Variants in CERKL observed in about 807,000 individuals in gnomAD.
CERKL encodes CERK like autophagy regulator.
In CERKL, 61 loss-of-function variants were observed where a neutral mutation model predicts 63.4. That is an observed-to-expected ratio of 0.96 (90% CI 0.78 to 1.19). CERKL has a LOEUF of 1.19. CERKL is among the 50% of genes most tolerant of loss of function. The pLI, the probability that CERKL is intolerant of heterozygous loss-of-function variation, is 0.00. For missense variants in CERKL, 675 were observed against 655.5 expected (o/e 1.03, Z -0.33); for synonymous variants, 250 against 230.5 (o/e 1.08, Z -0.77).
chr2:181,548,311 G>A, intron 8 of CERKL: 1 of 558,512 alleles, frequency 1.8e-6, no homozygotes, highest in South Asian at 2.3e-5. Context: ...AAAGAGAACG[G>A]AAGGAGGGAG....
At chr2:181,617,043 G>A (rs1235971252) in intron 1 of CERKL, among the ~76,000 whole-genome samples, 1 of 152,150 alleles carries the variant, frequency 6.6e-6, no homozygotes, top group African/African-American at 2.4e-5. Flanking sequence ...GAAATAGTGG[G>A]TAAAACTCCT....
At chr2:181,609,192 G>C (rs541106866) in intron 1 of CERKL, among the ~76,000 whole-genome samples, 20 of 151,656 alleles carry the variant, frequency 1.3e-4, no homozygotes, top group Non-Finnish European at 2.5e-4. Flanking sequence ...TGCCACGCTG[G>C]TGTGCTGCAC....
chr2:181,541,211 T>A (rs530948763), intron 11 of CERKL, among the ~76,000 whole-genome samples: 2 of 152,200 alleles, frequency 1.3e-5, no homozygotes, highest in South Asian at 2.1e-4. Flanking sequence ...AATTTGGACA[T>A]AGGAAAAGGC....
Position 181,621,390 on chromosome 2 carries a change from C to T in CERKL, c.239-17311G>A, listed in dbSNP as rs566993405. On this transcript the variant is annotated intron_variant, in intron 1 of 12. Coordinates refer to ENST00000410087, the MANE Select transcript of CERKL (RefSeq NM_201548.5). ...GCTCCTAGTCACATGAAATATGATA[C>T]CCTACAACGTATTTGAAGTAAAACA... Among the ~76,000 whole-genome samples, 14 of 152,208 alleles carry T rather than the reference C, an allele frequency of 9.2e-5. No homozygotes were observed. The East Asian group carries it at 2.7e-3, about 29-fold the overall frequency.
rs1296872226 is a variant in CERKL at position 181,558,681 on chromosome 2, A to G, written c.705T>C (p.Ser235=). 6.2e-7 allele frequency: 1 copy of G among 1,613,740 alleles called. No homozygotes were observed. Among genetic ancestry groups the G allele is most frequent in the Non-Finnish European group, 8.5e-7 (1 of 1,179,794 alleles). ...GCAAAGCATGGGCTACTTCGCTAGC[A>G]GATCCATCTCCACCAACACAGACAA... is the stretch of plus-strand genomic sequence containing the variant. ...DGVVCVGGDG[S]ASEVAHALLL... Residue 235 remains serine (S), a synonymous_variant, in exon 5 of 13, where the codon TCT becomes TCC. Transcript: ENST00000410087. The surrounding 1 kb of genome is among the most constrained non-coding windows in gnomAD (Gnocchi z 4.2).
intron 5 of CERKL, among the ~76,000 whole-genome samples, chr2:181,552,039 C>G (rs1383076693): frequency 2.0e-5 from 3 of 152,046 alleles, no homozygotes; most frequent in Non-Finnish European, 4.4e-5. Context: ...GGACATTATG[C>G]TAGGTGAAAT....
At chr2:181,541,983 C>A (rs930697779) in intron 11 of CERKL, among the ~76,000 whole-genome samples, 1 of 152,134 alleles carries the variant, frequency 6.6e-6, no homozygotes, top group Non-Finnish European at 1.5e-5. Flanking sequence ...GATGACAGAA[C>A]CCTTGGGAGT....
rs563715811 is a variant in CERKL, at chr2:181,536,781, ATATT to A, written c.*1399_*1402del. ...TTCTTTAAATACAATCATTTTTGTA[ATATT>A]TATTTTATGCTTATGATCTAGATAA... On this transcript the variant is annotated 3_prime_UTR_variant, in exon 13 of 13. Coordinates refer to ENST00000410087, the MANE Select transcript of CERKL (RefSeq NM_201548.5). The A allele has an allele frequency of 3.0e-3, 732 of 244,800 alleles. 5 individuals are homozygous for A. The highest frequency in any genetic ancestry group is 5.9e-3 in the Admixed American group (117 of 19,700). The allele number at this position is 244,800 out of a possible 1,614,324, so 15.2% of individuals were successfully genotyped here.
intron 2 of CERKL, among the ~76,000 whole-genome samples, chr2:181,594,320 G>C (rs923356884): frequency 2.6e-5 from 4 of 152,278 alleles, no homozygotes; most frequent in East Asian, 3.9e-4. Flanking sequence ...TTTTCTATCA[G>C]AGTATCAGCA....
intron 8 of CERKL, 157 bp downstream of exon 8, chr2:181,548,388 T>A (rs986603479): frequency 1.4e-5 from 9 of 650,538 alleles, no homozygotes; most frequent in Non-Finnish European, 1.9e-5. Flanking sequence ...AGTGAGTAGT[T>A]GTTTGCTTAC....
intron 5 of CERKL, among the ~76,000 whole-genome samples, chr2:181,555,560 C>T (rs1688165944): frequency 6.6e-6 from 1 of 152,056 alleles, no homozygotes; most frequent in South Asian, 2.1e-4. Context: ...TATGCTCTGT[C>T]AACTTATCAA....
At chr2:181,553,722 G>A (rs1361941915) in intron 5 of CERKL, among the ~76,000 whole-genome samples, 1 of 152,092 alleles carries the variant, frequency 6.6e-6, no homozygotes, top group Non-Finnish European at 1.5e-5. Context: ...TTTAGTCATT[G>A]ACTACTCATT....
intron 2 of CERKL, among the ~76,000 whole-genome samples, chr2:181,582,278 C>T (rs559047282): frequency 6.6e-6 from 1 of 152,088 alleles, no homozygotes; most frequent in African/African-American, 2.4e-5. Flanking sequence ...TCATGCAGAA[C>T]CATCTCTAAA....
intron 5 of CERKL, among the ~76,000 whole-genome samples, chr2:181,554,015 G>C (rs1294956455): frequency 6.6e-6 from 1 of 152,034 alleles, no homozygotes; most frequent in East Asian, 1.9e-4. Flanking sequence ...TAATTAGCCT[G>C]AAAGTTATTT....
At chr2:181,584,350 G>GAA (rs112462086) in intron 2 of CERKL, among the ~76,000 whole-genome samples, 18 of 146,774 alleles carry the variant, frequency 1.2e-4, no homozygotes, top group Admixed American at 1.4e-4. Context: ...TGTCTCTACA[G>GAA]AAAAAAAAAA....
intron 1 of CERKL, among the ~76,000 whole-genome samples, chr2:181,628,564 T>C (rs898256182): frequency 2.0e-5 from 3 of 152,166 alleles, no homozygotes; most frequent in African/African-American, 4.8e-5. Context: ...TCAATACACA[T>C]ATTAGGATTT....
At chr2:181,655,392 G>C (rs974972064) in intron 1 of CERKL, among the ~76,000 whole-genome samples, 12 of 152,042 alleles carry the variant, frequency 7.9e-5, no homozygotes, top group African/African-American at 2.7e-4. Context: ...CTGGCTCTTT[G>C]GGCTAATCCA....
chr2:181,572,885 GC>G (rs542752686), intron 3 of CERKL, among the ~76,000 whole-genome samples: 62 of 150,308 alleles, frequency 4.1e-4, no homozygotes, highest in Admixed American at 4.1e-3. Flanking sequence ...TTTGTTTACA[GC>G]TGAGTAAAGC....
At position 181,549,627 on chromosome 2, in the gene CERKL, T is replaced by C; in HGVS notation, c.895+7A>G. 1 of 1,592,108 alleles carries C rather than the reference T, an allele frequency of 6.3e-7. No individual in the cohort carries two copies. Among genetic ancestry groups the C allele is most frequent in the Non-Finnish European group, 8.6e-7 (1 of 1,160,118 alleles). On this transcript the variant is annotated splice_region_variant and intron_variant, in intron 6 of 12. Transcript: ENST00000410087. Reference sequence around the variant, plus strand: ...TAAAATATGAACTGCTTTGGAAGAATTCTTACCCATTATAATGTGCAATGT... The same window carrying C: ...TAAAATATGAACTGCTTTGGAAGAACTCTTACCCATTATAATGTGCAATGT...
Sources: gnomAD v4.1 joint callset for allele counts (sites outside exome capture counted in the v4.1 genomes callset) on GRCh38, gnomAD v4.1.1 for gene constraint, Gnocchi (gnomAD v3.1) non-coding constraint, MANE v1.5 for transcripts, NCBI Gene and HGNC (gene_info 2026-07-23, HGNC 2026-07-21) for gene names.